PITPNC1: variants seen among roughly 807,000 people sequenced by gnomAD.
PITPNC1 encodes the protein cytoplasmic phosphatidylinositol transfer protein 1.
Under a neutral mutation model 44.7 loss-of-function variants are expected in PITPNC1, and 18 were observed. The ratio of observed to expected loss-of-function variants is 0.40; its 90% CI spans 0.28 to 0.60. PITPNC1 has a LOEUF of 0.60. Ranked by LOEUF, PITPNC1 falls within the 20% of genes least tolerant of loss-of-function variation. The pLI, the probability that PITPNC1 is intolerant of heterozygous loss-of-function variation, is 0.39. For synonymous variants in PITPNC1, 141 were observed against 149.6 expected (o/e 0.94, Z 0.42); for missense variants, 290 against 418.4 (o/e 0.69, Z 2.68).
chr17:67,467,315 A>G (rs1045019858), intron 1 of PITPNC1, among the ~76,000 whole-genome samples: 4 of 152,042 alleles, frequency 2.6e-5, no homozygotes, highest in East Asian at 3.9e-4. Flanking sequence ...CAGCCTCCCA[A>G]TGTGTTGGGA....
intron 5 of PITPNC1, among the ~76,000 whole-genome samples, chr17:67,614,688 A>AAAT: frequency 6.6e-6 from 1 of 150,512 alleles, no homozygotes; most frequent in South Asian, 2.1e-4. Context: ...AAAAAAAATA[A>AAAT]ATATATAAAA....
chr17:67,509,960 G>C (rs972464793), intron 1 of PITPNC1, among the ~76,000 whole-genome samples: 9 of 152,134 alleles, frequency 5.9e-5, no homozygotes, highest in Middle Eastern at 3.4e-3. Context: ...GGCTCAAATC[G>C]GAGACCAATT....
intron 5 of PITPNC1, among the ~76,000 whole-genome samples, chr17:67,623,068 G>T (rs990001256): frequency 7.2e-6 from 1 of 138,684 alleles, no homozygotes; most frequent in Admixed American, 8.1e-5. Context: ...CTTTGTTGGC[G>T]TGTCTTCCTC....
At chr17:67,625,450 G>A (rs1443360298) in intron 5 of PITPNC1, among the ~76,000 whole-genome samples, 2 of 152,154 alleles carry the variant, frequency 1.3e-5, no homozygotes, top group Non-Finnish European at 2.9e-5. Flanking sequence ...AGCTCTGGCA[G>A]CTGCACCTGC....
At chr17:67,489,983 C>T (rs1023659209) in intron 1 of PITPNC1, among the ~76,000 whole-genome samples, 4 of 152,260 alleles carry the variant, frequency 2.6e-5, no homozygotes, top group Middle Eastern at 3.4e-3. Flanking sequence ...GTGATCCATC[C>T]CCCTCGGTCT....
intron 5 of PITPNC1, among the ~76,000 whole-genome samples, chr17:67,615,145 A>G (rs1418533939): frequency 6.6e-6 from 1 of 152,224 alleles, no homozygotes; most frequent in Non-Finnish European, 1.5e-5. Context: ...GAGCTCAGCC[A>G]GGAGGCCTTG....
Position 67,692,592 on chromosome 17 carries a change from C to T in PITPNC1, c.703C>T (p.Arg235Ter), listed in dbSNP as rs779691385. 1.2e-6 allele frequency: 2 copies of T among 1,612,986 alleles called. No individual in the cohort carries two copies. The highest frequency in any genetic ancestry group is 8.5e-7 in the Non-Finnish European group (1 of 1,179,212). ...TGAAGACATGACAATGGATGAAGTC[C>T]GAGAATTTGAACGAGCCACTCAGGA... Reference protein sequence around the residue: ...EWYDMTMDEVREFERATQEAT... With the variant: ...EWYDMTMDEV Residue 235 changes from arginine to a stop codon, truncating the protein, a stop_gained, in exon 9 of 9, where the codon CGA (arginine) becomes TGA (stop). Transcript: ENST00000581322. LOFTEE classifies it high-confidence loss of function.
At chr17:67,390,103 A>G (rs1210716861) in intron 1 of PITPNC1, among the ~76,000 whole-genome samples, 1 of 152,180 alleles carries the variant, frequency 6.6e-6, no homozygotes, top group African/African-American at 2.4e-5. Context: ...TTCTGTGTAA[A>G]TTGAAAAGTT....
intron 1 of PITPNC1, among the ~76,000 whole-genome samples, chr17:67,387,937 G>A (rs1177566610): frequency 6.6e-6 from 1 of 152,022 alleles, no homozygotes; most frequent in Admixed American, 6.6e-5. Flanking sequence ...CAGTTTCACT[G>A]GCCGCTCTGC....
intron 6 of PITPNC1, chr17:67,639,123 T>TAAAAAAGAAAAGAAAAG (rs56743388): frequency 0.36 from 53,449 of 150,004 alleles, 12,733 homozygotes; most frequent in African/African-American, 0.68. Context: ...ACCCTGTCTC[T>TAAAAAAGAAAAGAAAAG]AAAAAAGAAA....
intron 1 of PITPNC1, among the ~76,000 whole-genome samples, chr17:67,426,481 C>T (rs1184492503): frequency 6.6e-6 from 1 of 152,116 alleles, no homozygotes; most frequent in African/African-American, 2.4e-5. Flanking sequence ...AGCTGGAAGC[C>T]ATCATCCTCA....
At chr17:67,468,127 G>T (rs1248206217) in intron 1 of PITPNC1, among the ~76,000 whole-genome samples, 1 of 152,162 alleles carries the variant, frequency 6.6e-6, no homozygotes, top group Non-Finnish European at 1.5e-5. Context: ...GACAAGGGGT[G>T]ACTATCTCTT....
chr17:67,587,781 G>A (rs2041339346), intron 5 of PITPNC1, among the ~76,000 whole-genome samples: 1 of 152,206 alleles, frequency 6.6e-6, no homozygotes, highest in South Asian at 2.1e-4. Context: ...TACTTAGAGA[G>A]ATCTAATTTC....
intron 1 of PITPNC1, among the ~76,000 whole-genome samples, chr17:67,405,030 TGAGGTCAG>T: frequency 6.6e-6 from 1 of 152,118 alleles, no homozygotes; most frequent in Non-Finnish European, 1.5e-5. Flanking sequence ...GCAGATCACC[TGAGGTCAG>T]GAGTTCGAGG....
chr17:67,513,487 G>GTATA (rs1442010835), intron 1 of PITPNC1, among the ~76,000 whole-genome samples: 79 of 136,914 alleles, frequency 5.8e-4, no homozygotes, highest in African/African-American at 2.4e-3. Context: ...ATGTGTGTGT[G>GTATA]TGTATATATA....
chr17:67,419,672 G>A (rs1360112892), intron 1 of PITPNC1, among the ~76,000 whole-genome samples: 4 of 152,204 alleles, frequency 2.6e-5, no homozygotes, highest in Non-Finnish European at 4.4e-5. Flanking sequence ...TTGGGAGGCC[G>A]ACGCAGGCGG....
At chr17:67,492,395 G>T (rs148668151) in intron 1 of PITPNC1, among the ~76,000 whole-genome samples, 171 of 152,292 alleles carry the variant, frequency 1.1e-3, no homozygotes, top group Middle Eastern at 3.4e-3. Context: ...AGGAGGCAGG[G>T]ATTAGAGCAC....
chr17:67,422,349 C>T (rs762092010), intron 1 of PITPNC1, among the ~76,000 whole-genome samples: 2 of 152,082 alleles, frequency 1.3e-5, no homozygotes, highest in Non-Finnish European at 2.9e-5. Flanking sequence ...TCTTATTAGG[C>T]CGTGGACAAG....
At chr17:67,413,172 C>A (rs1193463254) in intron 1 of PITPNC1, among the ~76,000 whole-genome samples, 1 of 152,184 alleles carries the variant, frequency 6.6e-6, no homozygotes, top group Admixed American at 6.6e-5. Context: ...CCTGCTTGCT[C>A]ATAAGAATGA....
Sources: gnomAD v4.1 joint callset for allele counts (sites outside exome capture counted in the v4.1 genomes callset) on GRCh38, gnomAD v4.1.1 for gene constraint, MANE v1.5 for transcripts, NCBI Gene and HGNC (gene_info 2026-07-23, HGNC 2026-07-21) for gene names.